The following ACYP2 variants were observed in gnomAD, a reference collection of about 807,000 sequenced individuals.
ACYP2 encodes acylphosphatase-2.
ACYP2 carries 12 observed loss-of-function variants against 11.2 expected under a neutral mutation model. The ratio of observed to expected loss-of-function variants is 1.08; its 90% CI spans 0.69 to 1.74. The LOEUF is 1.74. ACYP2 is among the 40% of genes most tolerant of loss of function. The pLI, the probability that ACYP2 is intolerant of heterozygous loss-of-function variation, is 0.00. For synonymous variants in ACYP2, 43 were observed against 32.2 expected (o/e 1.33, Z -1.13); for missense variants, 134 against 101.9 (o/e 1.31, Z -1.35).
At chr2:54,238,719 A>T (rs1686606676) in intron 6 of ACYP2, among the ~76,000 whole-genome samples, 1 of 152,066 alleles carries the variant, frequency 6.6e-6, no homozygotes, top group South Asian at 2.1e-4. Context: ...ACCAAATAAG[A>T]TGCATTATTT....
chr2:54,247,841 C>A (rs1191165004), intron 6 of ACYP2, among the ~76,000 whole-genome samples: 1 of 152,144 alleles, frequency 6.6e-6, no homozygotes, highest in African/African-American at 2.4e-5. Flanking sequence ...GATTTACCAC[C>A]ACCTGGCTGG....
At chr2:54,293,863 T>C (rs1411067753) in intron 6 of ACYP2, among the ~76,000 whole-genome samples, 1 of 152,186 alleles carries the variant, frequency 6.6e-6, no homozygotes, top group South Asian at 2.1e-4. Flanking sequence ...CATTTGATAA[T>C]AAAGGAGTCT....
intron 5 of ACYP2, among the ~76,000 whole-genome samples, chr2:54,136,677 T>G (rs1681258447): frequency 6.6e-6 from 1 of 152,136 alleles, no homozygotes; most frequent in Non-Finnish European, 1.5e-5. Context: ...GAAGAGTATG[T>G]TTTTGAAAAG....
intron 6 of ACYP2, among the ~76,000 whole-genome samples, chr2:54,201,660 TTC>T (rs1684823745): frequency 4.2e-5 from 4 of 94,162 alleles, no homozygotes; most frequent in African/African-American, 7.7e-5. Flanking sequence ...CTTTCTTTCT[TTC>T]TTTCTTTCTT....
intron 6 of ACYP2, among the ~76,000 whole-genome samples, chr2:54,282,854 G>C (rs1048301086): frequency 6.6e-6 from 1 of 152,270 alleles, no homozygotes; most frequent in East Asian, 1.9e-4. Flanking sequence ...CACAGGAAAG[G>C]TGTGAAAGAA....
intron 4 of ACYP2, among the ~76,000 whole-genome samples, chr2:54,093,314 G>A (rs1038896075): frequency 6.6e-6 from 1 of 152,194 alleles, no homozygotes; most frequent in African/African-American, 2.4e-5. Context: ...ACTAAAAGTA[G>A]AAATATTGAA....
intron 2 of ACYP2, among the ~76,000 whole-genome samples, chr2:54,023,415 G>A (rs1236492523): frequency 1.8e-4 from 28 of 152,064 alleles, no homozygotes; most frequent in Admixed American, 1.8e-3. Flanking sequence ...TCAGCCTCCT[G>A]AGTATCCGGG....
intron 6 of ACYP2, among the ~76,000 whole-genome samples, chr2:54,158,758 T>A (rs1277871419): frequency 2.0e-5 from 3 of 152,140 alleles, no homozygotes; most frequent in Non-Finnish European, 2.9e-5. Context: ...GCTGAGGAAG[T>A]TTTGCTCTCT....
chr2:54,272,325 T>C (rs1688344498), intron 6 of ACYP2, among the ~76,000 whole-genome samples: 2 of 151,932 alleles, frequency 1.3e-5, no homozygotes. Flanking sequence ...GGTTTATCTC[T>C]ACCCAGGAGC....
chr2:54,055,901 A>G (rs1396926395), intron 3 of ACYP2, among the ~76,000 whole-genome samples: 2 of 152,218 alleles, frequency 1.3e-5, no homozygotes, highest in African/African-American at 2.4e-5. Flanking sequence ...TAGTACTGTC[A>G]GATATAGTAC....
At chr2:54,165,936 T>C (rs1057290267) in intron 6 of ACYP2, among the ~76,000 whole-genome samples, 2 of 152,238 alleles carry the variant, frequency 1.3e-5, no homozygotes, top group African/African-American at 4.8e-5. Flanking sequence ...ATCAGAGCTA[T>C]TCAGCCTGAC....
At chr2:54,130,323 A>G (rs1680825417) in intron 4 of ACYP2, among the ~76,000 whole-genome samples, 1 of 152,150 alleles carries the variant, frequency 6.6e-6, no homozygotes, top group Admixed American at 6.6e-5. Flanking sequence ...GGGGCTTGGC[A>G]TCTTTAAGGG....
intron 2 of ACYP2, among the ~76,000 whole-genome samples, chr2:54,039,395 G>T (rs148272155): frequency 6.6e-6 from 1 of 151,486 alleles, no homozygotes; most frequent in Non-Finnish European, 1.5e-5. Context: ...AGGCTCAAGC[G>T]ATCCTCCCGC....
At chr2:54,288,329 C>T (rs890013466) in intron 6 of ACYP2, among the ~76,000 whole-genome samples, 2 of 151,970 alleles carry the variant, frequency 1.3e-5, no homozygotes, top group African/African-American at 4.8e-5. Flanking sequence ...ACTATAGCCT[C>T]ATTAACTTGT....
chr2:54,119,720 A>G (rs551880586), intron 4 of ACYP2, among the ~76,000 whole-genome samples: 5 of 152,388 alleles, frequency 3.3e-5, no homozygotes, highest in Admixed American at 3.3e-4. Flanking sequence ...TAGGGACCGT[A>G]CAACTGGTTT....
intron 4 of ACYP2, among the ~76,000 whole-genome samples, chr2:54,064,397 G>A (rs1032940801): frequency 1.3e-5 from 2 of 152,200 alleles, no homozygotes; most frequent in African/African-American, 4.8e-5. Flanking sequence ...AGTGGCTCTG[G>A]CAGTGGTTTC....
intron 6 of ACYP2, among the ~76,000 whole-genome samples, chr2:54,197,957 G>A (rs956390752): frequency 4.0e-4 from 12 of 29,728 alleles, no homozygotes; most frequent in East Asian, 3.5e-3. Flanking sequence ...GTATTGTATT[G>A]TATTGTATTG....
chr2:54,175,782 C>A (rs962666082), intron 6 of ACYP2, among the ~76,000 whole-genome samples: 1 of 152,040 alleles, frequency 6.6e-6, no homozygotes, highest in South Asian at 2.1e-4. Flanking sequence ...TAATAGAAAC[C>A]CTGAACTTGC....
intron 2 of ACYP2, among the ~76,000 whole-genome samples, chr2:53,994,845 T>TA (rs1357744336): frequency 6.6e-6 from 1 of 152,184 alleles, no homozygotes; most frequent in African/African-American, 2.4e-5. Context: ...CCTCTGGCAT[T>TA]ACATTATAAC....
Sources: allele counts gnomAD v4.1 joint callset (sites outside exome capture counted in the v4.1 genomes callset), GRCh38; gene constraint gnomAD v4.1.1; transcripts MANE v1.5; gene names NCBI Gene and HGNC (gene_info 2026-07-23, HGNC 2026-07-21).